Variants in ZNF385B observed in about 807,000 individuals in gnomAD.
The protein encoded by ZNF385B is zinc finger protein 533.
ZNF385B carries 23 observed loss-of-function variants against 39.2 expected under a neutral mutation model. That is an observed-to-expected ratio of 0.59 (90% CI 0.42 to 0.83). The LOEUF is 0.83. ZNF385B is among the 40% of genes least tolerant of loss of function. The pLI, the probability that ZNF385B is intolerant of heterozygous loss-of-function variation, is 0.00. For missense variants in ZNF385B, 552 were observed against 598.9 expected (o/e 0.92, Z 0.82); for synonymous variants, 205 against 222.6 (o/e 0.92, Z 0.70).
chr2:179,769,038 A>G (rs1469189690), intron 3 of ZNF385B, among the ~76,000 whole-genome samples: 2 of 152,244 alleles, frequency 1.3e-5, no homozygotes, highest in Non-Finnish European at 2.9e-5. Flanking sequence ...CAAGTTTAAC[A>G]TGCAAGATTA....
At chr2:179,811,712 A>C (rs746856732) in intron 1 of ZNF385B, among the ~76,000 whole-genome samples, 2 of 151,968 alleles carry the variant, frequency 1.3e-5, no homozygotes, top group African/African-American at 2.4e-5. Context: ...AAACCTAGGA[A>C]ACACCATCCT....
chr2:179,516,167 T>C (rs2058078275), intron 5 of ZNF385B, among the ~76,000 whole-genome samples: 1 of 152,166 alleles, frequency 6.6e-6, no homozygotes, highest in African/African-American at 2.4e-5. Context: ...GGCTTTAACA[T>C]AGTTTGTTTA....
At chr2:179,537,542 C>T (rs530241754) in intron 4 of ZNF385B, among the ~76,000 whole-genome samples, 263 of 152,036 alleles carry the variant, frequency 1.7e-3, no homozygotes, top group African/African-American at 6.2e-3. Context: ...GAGTTCGAGA[C>T]CAGTCTGGGC....
chr2:179,471,513 C>A (rs1368512123), intron 6 of ZNF385B, among the ~76,000 whole-genome samples: 1 of 152,102 alleles, frequency 6.6e-6, no homozygotes, highest in African/African-American at 2.4e-5. Context: ...TTGAGGGTGA[C>A]AAACTATAGT....
chr2:179,663,411 A>G (rs1694722173), intron 3 of ZNF385B, among the ~76,000 whole-genome samples: 1 of 152,166 alleles, frequency 6.6e-6, no homozygotes, highest in Non-Finnish European at 1.5e-5. Context: ...CAATTATTTT[A>G]AAAATTTATC....
chr2:179,558,885 A>T (rs1211585166), intron 3 of ZNF385B, among the ~76,000 whole-genome samples: 1 of 152,130 alleles, frequency 6.6e-6, no homozygotes, highest in Non-Finnish European at 1.5e-5. Flanking sequence ...CCCCTGTTCC[A>T]TCCCTATGGA....
intron 3 of ZNF385B, among the ~76,000 whole-genome samples, chr2:179,599,735 T>C (rs1227516603): frequency 6.6e-6 from 1 of 152,202 alleles, no homozygotes; most frequent in Non-Finnish European, 1.5e-5. Flanking sequence ...CAAGTGATTG[T>C]GTAGAAGAGA....
chr2:179,584,579 C>T (rs1475298171), intron 3 of ZNF385B, among the ~76,000 whole-genome samples: 1 of 152,130 alleles, frequency 6.6e-6, no homozygotes, highest in Non-Finnish European at 1.5e-5. Context: ...ATGAGTACAA[C>T]ATATCTGGAG....
At chr2:179,615,145 G>A (rs1283701538) in intron 3 of ZNF385B, among the ~76,000 whole-genome samples, 3 of 152,180 alleles carry the variant, frequency 2.0e-5, no homozygotes, top group Non-Finnish European at 4.4e-5. Context: ...GGAAGCAGCT[G>A]AATAGTTTTC....
At chr2:179,500,102 A>G (rs900643189) in intron 5 of ZNF385B, among the ~76,000 whole-genome samples, 9 of 152,096 alleles carry the variant, frequency 5.9e-5, no homozygotes, top group Admixed American at 4.6e-4. Flanking sequence ...TTTACAAAGA[A>G]AACTGTAAAA....
chr2:179,697,429 G>A (rs2106356947), intron 3 of ZNF385B, among the ~76,000 whole-genome samples: 1 of 152,294 alleles, frequency 6.6e-6, no homozygotes, highest in East Asian at 1.9e-4. Context: ...GCTGCCTTGG[G>A]AAGAAGATGC....
intron 3 of ZNF385B, among the ~76,000 whole-genome samples, chr2:179,749,967 C>A (rs146292555): frequency 6.6e-6 from 1 of 152,182 alleles, no homozygotes; most frequent in East Asian, 1.9e-4. Flanking sequence ...TCAACCACTC[C>A]TTTTAATCAT....
At chr2:179,786,634 A>G (rs1301223631) in intron 1 of ZNF385B, among the ~76,000 whole-genome samples, 1 of 151,470 alleles carries the variant, frequency 6.6e-6, no homozygotes, top group Non-Finnish European at 1.5e-5. Flanking sequence ...CTTAGGGACC[A>G]CCTAAAACCA....
At chr2:179,778,681 T>C (rs1332130854) in intron 1 of ZNF385B, among the ~76,000 whole-genome samples, 3 of 152,342 alleles carry the variant, frequency 2.0e-5, no homozygotes, top group East Asian at 3.9e-4. Flanking sequence ...CCAGTCATAA[T>C]TTCCATGTAG....
chr2:179,714,159 A>T (rs1034495368), intron 3 of ZNF385B, among the ~76,000 whole-genome samples: 2 of 152,220 alleles, frequency 1.3e-5, no homozygotes, highest in African/African-American at 4.8e-5. Context: ...GAGGAGGAAT[A>T]GGAAGGACCA....
chr2:179,494,006 T>C (rs774882455), intron 5 of ZNF385B, among the ~76,000 whole-genome samples: 1 of 151,250 alleles, frequency 6.6e-6, no homozygotes, highest in Non-Finnish European at 1.5e-5. Context: ...TAAATTTTTA[T>C]ATATATATTA....
intron 3 of ZNF385B, among the ~76,000 whole-genome samples, chr2:179,646,645 T>G (rs1427638912): frequency 6.6e-6 from 1 of 152,058 alleles, no homozygotes; most frequent in African/African-American, 2.4e-5. Flanking sequence ...GCCTACGGGC[T>G]TGGCACTTTA....
chr2:179,825,442 CT>C (rs1386203175), intron 1 of ZNF385B, among the ~76,000 whole-genome samples: 1 of 152,092 alleles, frequency 6.6e-6, no homozygotes. Flanking sequence ...CAAAGCACTT[CT>C]TTTTTGATAG....
At chr2:179,587,436 T>C (rs746814908) in intron 3 of ZNF385B, among the ~76,000 whole-genome samples, 12 of 152,206 alleles carry the variant, frequency 7.9e-5, no homozygotes, top group Non-Finnish European at 1.5e-4. Context: ...TAAGTGACCA[T>C]GACGATAACT....
Sources: gnomAD v4.1 joint callset for allele counts (sites outside exome capture counted in the v4.1 genomes callset) on GRCh38, gnomAD v4.1.1 for gene constraint, MANE v1.5 for transcripts, NCBI Gene and HGNC (gene_info 2026-07-23, HGNC 2026-07-21) for gene names.